Variants in PPOX observed in about 807,000 individuals in gnomAD.
PPOX encodes protoporphyrinogen oxidase.
In PPOX, 23 loss-of-function variants were observed where a neutral mutation model predicts 54.1. That is an observed-to-expected ratio of 0.43 (90% CI 0.31 to 0.60). The LOEUF (loss-of-function observed/expected upper bound fraction) is 0.60, where lower values mean the gene tolerates loss of function less well. Ranked by LOEUF, PPOX falls within the 20% of genes least tolerant of loss-of-function variation. The pLI, the probability that PPOX is intolerant of heterozygous loss-of-function variation, is 0.13. For missense variants in PPOX, 512 were observed against 601.1 expected (o/e 0.85, Z 1.55); for synonymous variants, 224 against 236.1 (o/e 0.95, Z 0.47).
In PPOX at chr1:161,167,194, T is replaced by A; in HGVS notation, c.182T>A (p.Ile61Asn). The A allele has an allele frequency of 1.2e-6, 2 of 1,614,168 alleles. No individual in the cohort carries two copies. The highest frequency in any genetic ancestry group is 1.1e-5 in the South Asian group (1 of 91,086). Residue 61 changes from isoleucine (I) to asparagine (N), a missense_variant, in exon 3 of 13, where the codon ATT becomes AAT. By Grantham distance (149) the Ile-to-Asn change is moderately radical. Transcript: ENST00000367999. ...ATCTTTGAGCTTGGACCTCGGGGAA[T>A]TAGGCCAGCGGGAGCCCTAGGGGCC... The part of the protein sequence containing the change: ...GAIFELGPRG[I>N]RPAGALGART...
downstream of PPOX, chr1:161,172,042 A>G: frequency 6.2e-7 from 1 of 1,614,198 alleles, no homozygotes; most frequent in Non-Finnish European, 8.5e-7. Flanking sequence ...CAGTGAGTTC[A>G]TCCCATCTTG....
chr1:161,169,165 G>A lies in PPOX; in HGVS notation c.789G>A (p.Gln263=). The A allele has an allele frequency of 6.2e-7, 1 of 1,614,044 alleles. No homozygotes were observed. Among genetic ancestry groups the A allele is most frequent in the Non-Finnish European group, 8.5e-7 (1 of 1,180,030 alleles). The change falls in exon 7 of 13, where the codon CAG becomes CAA. Residue 263 remains glutamine, a synonymous_variant. Transcript: ENST00000367999. The part of the protein sequence containing the change: ...RGQPVCGLSL[Q]AEGRWKVSLR... ...AGCCGGTCTGTGGGCTCAGCCTCCA[G>A]GCAGAAGGGCGCTGGAAGGTAGGGG...
chr1:161,177,042 G>C (rs1288781485), downstream of PPOX: 1 of 1,536,032 alleles, frequency 6.5e-7, no homozygotes, highest in Admixed American at 2.0e-5. Flanking sequence ...AGTAGGGTGG[G>C]GGTGGCGTCC....
chr1:161,175,290 G>T (rs1434930448), downstream of PPOX: 1 of 1,467,180 alleles, frequency 6.8e-7, no homozygotes, highest in African/African-American at 1.4e-5. Context: ...ATCAAACTAG[G>T]GTTTGGGAAT....
downstream of PPOX, chr1:161,176,203 A>G (rs1663452881): frequency 8.9e-6 from 9 of 1,010,704 alleles, no homozygotes; most frequent in South Asian, 1.3e-4. Flanking sequence ...CACAGAAGGG[A>G]GCACACAGGT....
intron 9 of PPOX, 123 bp from the exon 10 acceptor site, chr1:161,170,286 T>C (rs1660758694): frequency 3.2e-6 from 3 of 927,110 alleles, no homozygotes; most frequent in African/African-American, 1.6e-5. Context: ...GATCTCGCCA[T>C]TACACTCCAG....
chr1:161,171,093 T>C lies in PPOX; in HGVS notation c.1351T>C (p.Tyr451His). ...GCCCCTGACTCTGGCTGGAGCCTCC[T>C]ATGAGGGAGTTGCTGTTAATGACTG... Reference protein sequence around the residue: ...RLPLTLAGASYEGVAVNDCIE... With the variant: ...RLPLTLAGASHEGVAVNDCIE... The change falls in exon 13 of 13, where the codon TAT becomes CAT. Residue 451 changes from tyrosine to histidine, a missense_variant. Physicochemically the swap from Tyr to His is moderately conservative, Grantham distance 83. Coordinates refer to ENST00000367999, the MANE Select transcript of PPOX (RefSeq NM_001122764.3). The C allele has an allele frequency of 1.2e-6, 2 of 1,614,084 alleles. No homozygotes were observed. The highest frequency in any genetic ancestry group is 1.7e-6 in the Non-Finnish European group (2 of 1,180,026).
Position 161,170,690 on chromosome 1 carries a change from A to G in PPOX, c.1169A>G (p.Gln390Arg). 1 of 1,614,158 alleles carries G rather than the reference A, an allele frequency of 6.2e-7. No homozygotes were observed. Among genetic ancestry groups the G allele is most frequent in the Non-Finnish European group, 8.5e-7 (1 of 1,180,048 alleles). The change falls in exon 11 of 13, where the codon CAA (glutamine) becomes CGA (arginine). Residue 390 changes from glutamine (Q) to arginine (R), a missense_variant. Coordinates refer to ENST00000367999, the MANE Select transcript of PPOX (RefSeq NM_001122764.3). ...TGTGTCTTATCTCAGGAGCTGTTTC[A>G]ACAGCGGGCCCAGGAAGCAGCTGCT... ...SGCVLSQELF[Q>R]QRAQEAAATQ...
chr1:161,173,435 G>A (rs1215704140), downstream of PPOX, among the ~76,000 whole-genome samples: 1 of 152,216 alleles, frequency 6.6e-6, no homozygotes, highest in Non-Finnish European at 1.5e-5. Flanking sequence ...ACAATGGGCA[G>A]TAGCATGCAA....
rs937744963 is a variant in PPOX at position 161,176,836 on chromosome 1, T to A, written c.373-13T>A. Reference sequence around the variant, plus strand: ...GGGACAGGACAGCTAATGGAAACATTGTTTTCCCCCAGACCAAGAACCAGT... The same window carrying A: ...GGGACAGGACAGCTAATGGAAACATAGTTTTCCCCCAGACCAAGAACCAGT... On this transcript the variant is annotated splice_polypyrimidine_tract_variant and intron_variant, in intron 4 of 4. Coordinates refer to the PPOX transcript ENST00000497522. 14 of 1,532,942 alleles carry A rather than the reference T, an allele frequency of 9.1e-6. No individual in the cohort carries two copies. The African/African-American group carries it at 1.5e-4, about 17-fold the overall frequency. The allele number at this position is 1,532,942 out of a possible 1,614,324, so 95.0% of individuals were successfully genotyped here.
intron 7 of PPOX, 99 bp downstream of exon 7, chr1:161,169,282 G>C (rs750514445): frequency 4.9e-6 from 7 of 1,421,472 alleles, no homozygotes; most frequent in Non-Finnish European, 6.8e-6. Context: ...GTTCCTCATT[G>C]TTTTTGTGCC....
chr1:161,176,489 A>G, intron 4 of PPOX: 1 of 377,068 alleles, frequency 2.7e-6, no homozygotes, highest in Non-Finnish European at 4.9e-6. Context: ...TCCCGGGGGG[A>G]CAGAGATGTG....
upstream of PPOX, chr1:161,166,370 C>G: frequency 9.5e-7 from 1 of 1,051,126 alleles, no homozygotes; most frequent in Non-Finnish European, 1.2e-6. Flanking sequence ...CCTTCCAAGT[C>G]CCGCCAATCC....
chr1:161,176,374 T>TTTCAGAAA (rs1462486677), intron 4 of PPOX: 1 of 464,720 alleles, frequency 2.2e-6, no homozygotes, highest in African/African-American at 2.0e-5. Flanking sequence ...CTCATGTTCA[T>TTTCAGAAA]TTCAGAAAGT....
chr1:161,166,001 T>C (rs149998225), upstream of PPOX: 4,469 of 774,948 alleles, frequency 5.8e-3, 20 homozygotes, highest in Non-Finnish European at 6.6e-3. Flanking sequence ...TGACAAACAC[T>C]GGGTACGTTG....
At chr1:161,166,076 G>A (rs185362370), upstream of PPOX, 908 of 984,832 alleles carry the variant, frequency 9.2e-4, 2 homozygotes, top group South Asian at 0.014. Context: ...TTATGGAGCC[G>A]CCTCCCCGTG....
rs1658911043 is a variant in PPOX, at chr1:161,166,432, A to C, written c.-249A>C. On this transcript the variant is annotated 5_prime_UTR_variant, in exon 1 of 13. Coordinates refer to ENST00000367999, the MANE Select transcript of PPOX (RefSeq NM_001122764.3). ...CGTGCCGCGAGAACAGAGTGGACGG[A>C]GCGTAGGAGAGACCGAAAAGGCTGG... 1 of 1,147,698 alleles carries C rather than the reference A, an allele frequency of 8.7e-7. No individual in the cohort carries two copies. The highest frequency in any genetic ancestry group is 1.1e-6 in the Non-Finnish European group (1 of 924,144). The allele number at this position is 1,147,698 out of a possible 1,614,324, so 71.1% of individuals were successfully genotyped here.
At chr1:161,167,955 T>C (rs766450167) in intron 4 of PPOX, 40 bp from the exon 5 acceptor site, 5 of 1,613,740 alleles carry the variant, frequency 3.1e-6, no homozygotes, top group Non-Finnish European at 4.2e-6. Context: ...TGGGGAGGTA[T>C]GTCAGGAGCT....
At chr1:161,175,817 G>A, downstream of PPOX, 1 of 1,614,082 alleles carries the variant, frequency 6.2e-7, no homozygotes, top group South Asian at 1.1e-5. Context: ...CCTAAGAGAG[G>A]AGATCGTTCT....
Sources: allele counts gnomAD v4.1 joint callset (sites outside exome capture counted in the v4.1 genomes callset), GRCh38; gene constraint gnomAD v4.1.1; transcripts MANE v1.5; gene names NCBI Gene and HGNC (gene_info 2026-07-23, HGNC 2026-07-21).